The following RFC1 variants were observed in gnomAD, a reference collection of about 807,000 sequenced individuals.
RFC1 encodes the protein A1 140 kDa subunit.
RFC1 carries 37 observed loss-of-function variants against 137.4 expected under a neutral mutation model. That is an observed-to-expected ratio of 0.27 (90% CI 0.21 to 0.35). The LOEUF is 0.35. Ranked by LOEUF, RFC1 falls within the 10% of genes least tolerant of loss-of-function variation. The probability of loss-of-function intolerance (pLI) is 1.00; values close to 1 mark genes in which losing one functional copy is unlikely to be tolerated. For synonymous variants in RFC1, 429 were observed against 455.7 expected, an observed-to-expected ratio of 0.94 and a Z score of 0.75; for missense variants, 1,205 against 1,358.5, an observed-to-expected ratio of 0.89 and a Z score of 1.78.
At position 39,342,399 on chromosome 4, in the gene RFC1, A is replaced by C; in HGVS notation, c.277T>G (p.Ser93Ala). 1 of 1,613,712 alleles carries C rather than the reference A, an allele frequency of 6.2e-7. No homozygotes were observed. Among genetic ancestry groups the C allele is most frequent in the East Asian group, 2.2e-5 (1 of 44,830 alleles). ...TGCCGTGAAATTTTACCAGGTTTAG[A>C]AGATACTGGCAGTTTTTCTGGTGGC... ...KKPPEKLPVS[S>A]KPGKISRQDP... Residue 93 changes from serine to alanine, a missense_variant, in exon 4 of 25, where the codon TCT becomes GCT. By Grantham distance (99) the Ser-to-Ala change is moderately conservative. This residue lies in a region of RFC1 where 962 missense variants were observed against 1,035.3 expected (regional missense o/e 0.93). Transcript: ENST00000349703.
At chr4:39,347,719 G>A (rs557055320) in intron 2 of RFC1, among the ~76,000 whole-genome samples, 143 of 152,266 alleles carry the variant, frequency 9.4e-4, no homozygotes, top group African/African-American at 3.2e-3. Flanking sequence ...ATGAAGAGAA[G>A]AGAAGAGCTA....
At chr4:39,366,080 G>T (rs1022807048) in intron 1 of RFC1, among the ~76,000 whole-genome samples, 159 bp downstream of exon 1, 3 of 152,122 alleles carry the variant, frequency 2.0e-5, no homozygotes, top group Non-Finnish European at 4.4e-5. Context: ...AAAGTTTTGC[G>T]TCCAGTGCCC....
intron 16 of RFC1, 57 bp from the exon 17 acceptor site, chr4:39,302,931 C>T (rs1406945244): frequency 3.3e-6 from 5 of 1,535,104 alleles, no homozygotes; most frequent in South Asian, 2.4e-5. Context: ...AAATACCACA[C>T]AAGCTATTTT....
In RFC1 at chr4:39,291,738, A is replaced by G. The variant is rs1737688589; in HGVS notation, c.3069T>C (p.Leu1023=). 6.2e-7 allele frequency: 1 copy of G among 1,613,822 alleles called. No individual in the cohort carries two copies. The highest frequency in any genetic ancestry group is 1.3e-5 in the African/African-American group (1 of 74,920). The change falls in exon 23 of 25, where the codon CTT becomes CTC. Residue 1023 remains leucine, a synonymous_variant. Transcript: ENST00000349703. ...CTTTCATCAAATAATATGTGTCCAT[A>G]AGTGCAACAACATCCTGTACTCCGT... is the stretch of plus-strand genomic sequence containing the variant. The part of the protein sequence containing the change: ...GVDGVQDVVA[L]MDTYYLMKED...
chr4:39,327,518 A>G lies in RFC1; in HGVS notation c.564+6T>C. ...GAGCATACTTGCTTATATGTAGAAC[A>G]CTTACCTCTTTTCTTTTGCTTGCCA... On this transcript the variant is annotated splice_donor_region_variant and intron_variant, in intron 5 of 24. Transcript: ENST00000349703. 6.3e-7 allele frequency: 1 copy of G among 1,593,562 alleles called. No homozygotes were observed. The highest frequency in any genetic ancestry group is 8.6e-7 in the Non-Finnish European group (1 of 1,165,530).
chr4:39,319,275 G>A (rs1023047507), intron 9 of RFC1, among the ~76,000 whole-genome samples: 2 of 152,174 alleles, frequency 1.3e-5, no homozygotes, highest in African/African-American at 2.4e-5. Flanking sequence ...CAGAGTCCCA[G>A]AGCCTGAAAC....
chr4:39,291,535 G>A (rs959129244), intron 23 of RFC1, 104 bp downstream of exon 23: 7 of 787,898 alleles, frequency 8.9e-6, no homozygotes, highest in Non-Finnish European at 1.5e-5. Flanking sequence ...GCATTTGAGG[G>A]GAAAAAGAAG....
Position 39,309,002 on chromosome 4 carries a change from G to A in RFC1, c.1519C>T (p.Pro507Ser), listed in dbSNP as rs1212392375. The part of the protein sequence containing the change: ...MKKESKLERT[P>S]QKNVQGKRKI... ...CTTTTTCCTTGGACATTTTTTTGGG[G>A]TGTTCTCTCCAGTTTGGACTCTTTC... Residue 507 changes from proline to serine, a missense_variant, in exon 13 of 25, where the codon CCC becomes TCC. Transcript: ENST00000349703. 1.5e-5 allele frequency: 24 copies of A among 1,610,360 alleles called. No homozygotes were observed. Among genetic ancestry groups the A allele is most frequent in the Non-Finnish European group, 2.0e-5 (24 of 1,179,348 alleles).
intron 1 of RFC1, among the ~76,000 whole-genome samples, chr4:39,354,833 G>A (rs188121867): frequency 2.0e-4 from 29 of 146,646 alleles, no homozygotes; most frequent in Middle Eastern, 3.9e-3. Flanking sequence ...CTGTAATCCC[G>A]GCACTTTGGA....
intron 21 of RFC1, among the ~76,000 whole-genome samples, chr4:39,298,946 G>T (rs1410563725): frequency 6.6e-6 from 1 of 152,182 alleles, no homozygotes; most frequent in Non-Finnish European, 1.5e-5. Context: ...GTTGGGAACA[G>T]GCCCCCCAAA....
chr4:39,352,673 T>C (rs186317332), intron 1 of RFC1, among the ~76,000 whole-genome samples: 40 of 152,334 alleles, frequency 2.6e-4, no homozygotes, highest in Admixed American at 2.2e-3. Flanking sequence ...AGTAAAAATC[T>C]TACCCTCACC....
At chr4:39,322,695 C>T (rs891594938) in intron 7 of RFC1, among the ~76,000 whole-genome samples, 1 of 151,782 alleles carries the variant, frequency 6.6e-6, no homozygotes, top group Admixed American at 6.6e-5. Flanking sequence ...GGGAGGATAG[C>T]TTGAGCCCAT....
intron 10 of RFC1, 113 bp from the exon 11 acceptor site, chr4:39,313,044 C>T: frequency 1.1e-6 from 1 of 892,568 alleles, no homozygotes; most frequent in East Asian, 2.6e-5. Flanking sequence ...CATAAATAAC[C>T]TTGGCATGGA....
At chr4:39,306,983 C>G (rs989479116) in intron 13 of RFC1, among the ~76,000 whole-genome samples, 22 of 152,158 alleles carry the variant, frequency 1.4e-4, no homozygotes, top group Admixed American at 1.1e-3. Flanking sequence ...TGTGAACGCA[C>G]AGGCCATGGA....
intron 11 of RFC1, among the ~76,000 whole-genome samples, chr4:39,311,851 G>A (rs533738715): frequency 3.9e-5 from 6 of 152,100 alleles, no homozygotes; most frequent in Non-Finnish European, 7.4e-5. Flanking sequence ...TGGCCACTAG[G>A]GCCTAAGACC....
At chr4:39,317,412 GC>G (rs1249233928) in intron 9 of RFC1, among the ~76,000 whole-genome samples, 1 of 152,088 alleles carries the variant, frequency 6.6e-6, no homozygotes, top group South Asian at 2.1e-4. Context: ...AAACCTGATC[GC>G]CCGAGAAGAT....
At chr4:39,349,896 T>C (rs923003918) in intron 2 of RFC1, among the ~76,000 whole-genome samples, 4 of 151,958 alleles carry the variant, frequency 2.6e-5, no homozygotes, top group African/African-American at 9.7e-5. Context: ...CCCAGCTACT[T>C]GGGAGGCTGA....
intron 4 of RFC1, among the ~76,000 whole-genome samples, chr4:39,334,325 C>T (rs1167928804): frequency 6.6e-6 from 1 of 152,138 alleles, no homozygotes; most frequent in South Asian, 2.1e-4. Context: ...AGCAGTCCTA[C>T]TGTTTCTCTA....
Position 39,302,362 on chromosome 4 carries a change from C to G in RFC1, c.2451G>C (p.Leu817=), listed in dbSNP as rs1738404535. The G allele has an allele frequency of 6.2e-7, 1 of 1,612,492 alleles. No homozygotes were observed. The highest frequency in any genetic ancestry group is 1.3e-5 in the African/African-American group (1 of 74,914). The change falls in exon 19 of 25, where the codon CTG becomes CTC. Residue 817 remains leucine, a synonymous_variant. Transcript: ENST00000349703. ...CTTTACTTCGTGCACACCACATACTCAGATTATGTAAAACCTAAAAGAATC... is the reference window on the plus strand; with the variant it reads ...CTTTACTTCGTGCACACCACATACTGAGATTATGTAAAACCTAAAAGAATC... ...NQDIRQVLHN[L]SMWCARSKAL... is the part of the protein sequence containing the mutation.
Sources: allele counts gnomAD v4.1 joint callset (sites outside exome capture counted in the v4.1 genomes callset), GRCh38; gene constraint gnomAD v4.1.1; regional missense constraint gnomAD v4.1.1; transcripts MANE v1.5; gene names NCBI Gene and HGNC (gene_info 2026-07-23, HGNC 2026-07-21).